The following HGSNAT variants were observed in gnomAD, a reference collection of about 807,000 sequenced individuals.
The protein encoded by HGSNAT is heparan-alpha-glucosaminide N-acetyltransferase.
HGSNAT carries 59 observed loss-of-function variants against 85.2 expected under a neutral mutation model. The ratio of observed to expected loss-of-function variants is 0.69; its 90% CI spans 0.56 to 0.86. HGSNAT has a LOEUF of 0.86. Ranked by LOEUF, HGSNAT falls within the 40% of genes least tolerant of loss-of-function variation. The probability of loss-of-function intolerance (pLI) is 0.00; values close to 1 mark genes in which losing one functional copy is unlikely to be tolerated. For synonymous variants in HGSNAT, 321 were observed against 304.5 expected (o/e 1.05, Z -0.56); for missense variants, 756 against 777.1 (o/e 0.97, Z 0.32).
chr8:43,188,064 C>G (rs747856819), intron 11 of HGSNAT, among the ~76,000 whole-genome samples: 25 of 152,254 alleles, frequency 1.6e-4, no homozygotes, highest in Non-Finnish European at 2.5e-4. Context: ...TTCTCTCTGG[C>G]TGCCCTTAAC....
intron 1 of HGSNAT, among the ~76,000 whole-genome samples, chr8:43,141,539 G>A (rs1289591010): frequency 6.6e-6 from 1 of 152,170 alleles, no homozygotes; most frequent in Admixed American, 6.5e-5. Context: ...TCCCAGAGGG[G>A]TCGGGCAAGC....
chr8:43,181,113 G>C (rs1191532750), intron 10 of HGSNAT, among the ~76,000 whole-genome samples: 2 of 58 alleles, frequency 0.034, no homozygotes, highest in Non-Finnish European at 0.12. Flanking sequence ...GGGAGAGGGA[G>C]AGGGAGAGGG....
At chr8:43,198,280 CTTTTTTTTTTTTTT>C (rs59416007) in intron 17 of HGSNAT, among the ~76,000 whole-genome samples, 1 of 90,332 alleles carries the variant, frequency 1.1e-5, no homozygotes, top group African/African-American at 4.5e-5. Context: ...GTTTCTGGTT[CTTTTTTTTTTTTTT>C]TTTTTTTTTT....
At chr8:43,197,517 TAA>T in intron 15 of HGSNAT, 153 bp from the exon 16 acceptor site, 1 of 625,742 alleles carries the variant, frequency 1.6e-6, no homozygotes, top group Non-Finnish European at 2.8e-6. Flanking sequence ...TTCATACATT[TAA>T]AAAAATATGT....
intron 6 of HGSNAT, among the ~76,000 whole-genome samples, chr8:43,169,595 T>G (rs1803547496): frequency 2.0e-5 from 3 of 152,236 alleles, no homozygotes; most frequent in East Asian, 1.9e-4. Flanking sequence ...GATGGCCTCC[T>G]CTAATGATTT....
intron 10 of HGSNAT, among the ~76,000 whole-genome samples, chr8:43,179,349 G>A (rs1435553052): frequency 6.2e-5 from 9 of 144,450 alleles, no homozygotes; most frequent in Non-Finnish European, 9.2e-5. Flanking sequence ...TGGATAGGGC[G>A]GCTGGCTGGG....
intron 11 of HGSNAT, 82 bp from the exon 12 acceptor site, chr8:43,191,392 G>A (rs568988340): frequency 6.4e-5 from 98 of 1,526,002 alleles, no homozygotes; most frequent in Middle Eastern, 3.5e-4. Flanking sequence ...ATGAGTCACC[G>A]GGAATTTCCT....
intron 1 of HGSNAT, among the ~76,000 whole-genome samples, chr8:43,142,014 C>G (rs1339742484): frequency 1.3e-5 from 2 of 152,116 alleles, no homozygotes; most frequent in African/African-American, 2.4e-5. Flanking sequence ...TTGGGCCGCA[C>G]AGCTTTCCTA....
chr8:43,195,197 C>A (rs1245768990), intron 14 of HGSNAT, among the ~76,000 whole-genome samples: 1 of 151,994 alleles, frequency 6.6e-6, no homozygotes, highest in Non-Finnish European at 1.5e-5. Context: ...GGGACACTGT[C>A]CCCCCATGCA....
chr8:43,196,490 A>T, intron 14 of HGSNAT: 1 of 1,289,646 alleles, frequency 7.8e-7, no homozygotes, highest in East Asian at 5.5e-5. Flanking sequence ...ACCTTTGTGG[A>T]GAATTCTCTT....
chr8:43,193,885 T>C, intron 14 of HGSNAT, 42 bp downstream of exon 14: 1 of 1,604,630 alleles, frequency 6.2e-7, no homozygotes, highest in Non-Finnish European at 8.5e-7. Context: ...TGACAATTTA[T>C]GATATTTTAT....
intron 11 of HGSNAT, among the ~76,000 whole-genome samples, chr8:43,188,176 T>G (rs1394051978): frequency 1.3e-5 from 2 of 152,188 alleles, no homozygotes; most frequent in Non-Finnish European, 2.9e-5. Flanking sequence ...TTTCCTGAAT[T>G]TGAATGTTGG....
chr8:43,172,433 G>T, intron 8 of HGSNAT, 47 bp downstream of exon 8: 1 of 1,308,540 alleles, frequency 7.6e-7, no homozygotes, highest in South Asian at 1.2e-5. Flanking sequence ...GTCCTTCACA[G>T]AGCTTCAGGG....
At chr8:43,155,739 A>G (rs896986377) in intron 2 of HGSNAT, among the ~76,000 whole-genome samples, 3 of 152,210 alleles carry the variant, frequency 2.0e-5, no homozygotes, top group African/African-American at 4.8e-5. Flanking sequence ...TGGTTTGTGA[A>G]AGATATGAGA....
intron 2 of HGSNAT, among the ~76,000 whole-genome samples, chr8:43,156,662 T>C (rs564277747): frequency 1.7e-4 from 26 of 152,350 alleles, no homozygotes; most frequent in African/African-American, 5.3e-4. Context: ...TTTAGGTCTA[T>C]TAATAATTCC....
chr8:43,172,058 G>T (rs1195451325), intron 7 of HGSNAT, among the ~76,000 whole-genome samples: 1 of 152,234 alleles, frequency 6.6e-6, no homozygotes, highest in Non-Finnish European at 1.5e-5. Context: ...GTTTAAGACT[G>T]CAGTATACAC....
rs1206531516 is a variant in HGSNAT at position 43,140,473 on chromosome 8, A to C, written c.-24A>C. The C allele has an allele frequency of 1.0e-6, 1 of 957,548 alleles. No individual in the cohort carries two copies. Among genetic ancestry groups the C allele is most frequent in the African/African-American group, 1.8e-5 (1 of 56,384 alleles). The allele number at this position is 957,548 out of a possible 1,614,324, so 59.3% of individuals were successfully genotyped here. A position where few individuals can be genotyped will look rare whatever the true frequency, so the allele number is the denominator to read the frequency against. ...CAGGGCGGGGCGCAGCGGGCAGGCA[A>C]GGGCGGCCGAGCGGGCGGCGGGCAT... On this transcript the variant is annotated 5_prime_UTR_variant, in exon 1 of 18. Transcript: ENST00000379644.
chr8:43,171,106 G>C (rs1373324276), intron 7 of HGSNAT, among the ~76,000 whole-genome samples: 1 of 152,244 alleles, frequency 6.6e-6, no homozygotes, highest in East Asian at 1.9e-4. Flanking sequence ...TGCTAGCAGA[G>C]TGACTTGAGT....
intron 11 of HGSNAT, among the ~76,000 whole-genome samples, chr8:43,189,804 G>A (rs1480614837): frequency 1.3e-5 from 2 of 152,184 alleles, no homozygotes; most frequent in African/African-American, 4.8e-5. Context: ...CACTGTGTTA[G>A]CCAGGATGGT....
Sources: gnomAD v4.1 joint callset for allele counts (sites outside exome capture counted in the v4.1 genomes callset) on GRCh38, gnomAD v4.1.1 for gene constraint, MANE v1.5 for transcripts, NCBI Gene and HGNC (gene_info 2026-07-23, HGNC 2026-07-21) for gene names.